Variants in PTPRF observed in about 807,000 individuals in gnomAD.
PTPRF encodes the protein protein tyrosine phosphatase receptor type F.
A neutral mutation model predicts 201.8 loss-of-function variants in PTPRF; 59 were observed. The observed-to-expected ratio is 0.29, with a 90% CI of 0.24 to 0.36. The LOEUF (loss-of-function observed/expected upper bound fraction) is 0.36, where lower values mean the gene tolerates loss of function less well. Among genes scored for constraint, PTPRF ranks in the 10% least tolerant of loss-of-function variants. The pLI, the probability that PTPRF is intolerant of heterozygous loss-of-function variation, is 1.00. For synonymous variants in PTPRF, 1,088 were observed against 1,089.7 expected (o/e 1.00, Z 0.03); for missense variants, 2,132 against 2,690.5 (o/e 0.79, Z 4.59).
chr1:43,621,509 G>GAAAACAAAACAAAAC (rs752058133), intron 33 of PTPRF, among the ~76,000 whole-genome samples: 1 of 116,522 alleles, frequency 8.6e-6, no homozygotes, highest in Non-Finnish European at 1.7e-5. Context: ...CCCTGTTGCT[G>GAAAACAAAACAAAAC]AAAACAAAAC....
At chr1:43,585,550 T>C (rs58738987) in intron 7 of PTPRF, among the ~76,000 whole-genome samples, 2,838 of 152,190 alleles carry the variant, frequency 0.019, 98 homozygotes, top group African/African-American at 0.065. Context: ...CTCACACTTA[T>C]GCCTAGCCCC....
rs1315505195 is a variant in PTPRF at position 43,606,297 on chromosome 1, G to A, written c.3541G>A (p.Glu1181Lys). 6.2e-7 allele frequency: 1 copy of A among 1,613,906 alleles called. No individual in the cohort carries two copies. Among genetic ancestry groups the A allele is most frequent in the African/African-American group, 1.3e-5 (1 of 74,932 alleles). ...EEQRRRRRQA[E>K]RLKPYVAAQL... is the part of the protein sequence containing the mutation. ...GCAGCGGCGGCGGCGGCGGCAGGCA[G>A]AACGTCTGAAGCCATATGTGGCTGC... Residue 1181 changes from glutamate (E) to lysine (K), a missense_variant, in exon 20 of 34, where the codon GAA (glutamate) becomes AAA (lysine). Glu to Lys is a moderately conservative substitution (Grantham distance 56). Around this residue, in one of 6 missense-constraint regions of PTPRF, gnomAD observed 818 missense variants for 915.3 expected, o/e 0.89. Transcript: ENST00000359947.
Position 43,553,548 on chromosome 1 carries a change from GCCT to G in PTPRF, c.152_154del (p.Ser51del). ...CCAGACTGGGCTGTCAGGAGGGGTA[GCCT>G]CCTTCGTGTGCCAAGCTACAGGAGA... On this transcript the variant is annotated inframe_deletion, in exon 4 of 34. Coordinates refer to ENST00000359947, the MANE Select transcript of PTPRF (RefSeq NM_002840.5). The surrounding 1 kb of genome is among the most constrained non-coding windows in gnomAD (Gnocchi z 4.1). 1 of 1,613,972 alleles carries G rather than the reference GCCT, an allele frequency of 6.2e-7. No individual in the cohort carries two copies. The highest frequency in any genetic ancestry group is 8.5e-7 in the Non-Finnish European group (1 of 1,179,824).
intron 11 of PTPRF, among the ~76,000 whole-genome samples, chr1:43,596,001 G>A (rs563196132): frequency 2.0e-5 from 3 of 152,272 alleles, no homozygotes; most frequent in South Asian, 4.1e-4. Flanking sequence ...CCTCAGTGCC[G>A]CTGTAGAGAA....
Position 43,619,416 on chromosome 1 carries a change from A to G in PTPRF, c.4775A>G (p.Gln1592Arg), listed in dbSNP as rs1658654132. 2 of 1,614,044 alleles carry G rather than the reference A, an allele frequency of 1.2e-6. No individual in the cohort carries two copies. Among genetic ancestry groups the G allele is most frequent in the Middle Eastern group, 1.6e-4 (1 of 6,084 alleles). The change falls in exon 28 of 34, where the codon CAG (glutamine) becomes CGG (arginine). Residue 1592 changes from glutamine (Q) to arginine (R), a missense_variant. By Grantham distance (43) the Gln-to-Arg change is conservative (BLOSUM62 1). Coordinates refer to ENST00000359947, the MANE Select transcript of PTPRF (RefSeq NM_002840.5). The part of the protein sequence containing the change: ...CMRSQRNYMV[Q>R]TEDQYVFIHE... ...CGATCACAGAGGAACTACATGGTGC[A>G]GACGGAGGACCAGTACGTGTTCATC...
At chr1:43,535,483 G>GTT (rs1643944281) in intron 1 of PTPRF, among the ~76,000 whole-genome samples, 1 of 152,108 alleles carries the variant, frequency 6.6e-6, no homozygotes, top group Non-Finnish European at 1.5e-5. Flanking sequence ...GAGAACTCTG[G>GTT]TTTTAGCTCC....
chr1:43,620,336 A>C lies in PTPRF; in HGVS notation c.5238+115A>C, dbSNP rs1658904279. On this transcript the variant is annotated intron_variant, in intron 30 of 33. Transcript: ENST00000359947. ...TTTGACACCCCAGCTGCTTGTCAGC[A>C]TGGCCTCAGGCGCCCGTTATTACTA... The C allele has an allele frequency of 7.1e-6, 11 of 1,539,258 alleles. No individual in the cohort carries two copies. The South Asian group carries it at 1.2e-4, about 17-fold the overall frequency.
chr1:43,602,847 C>A (rs1421779595), intron 14 of PTPRF, among the ~76,000 whole-genome samples: 3 of 152,178 alleles, frequency 2.0e-5, no homozygotes, highest in African/African-American at 4.8e-5. Context: ...CTCCTAGCCC[C>A]TCCCCTGCCT....
In PTPRF at chr1:43,604,087, A is replaced by C; in HGVS notation, c.2935A>C (p.Lys979Gln). 1 of 1,614,206 alleles carries C rather than the reference A, an allele frequency of 6.2e-7. No homozygotes were observed. Among genetic ancestry groups the C allele is most frequent in the Non-Finnish European group, 8.5e-7 (1 of 1,180,046 alleles). The change falls in exon 16 of 34, where the codon AAG (lysine) becomes CAG (glutamine). Residue 979 changes from lysine to glutamine, a missense_variant. Transcript: ENST00000359947. ...TDTRFTLTGL[K>Q]PDTTYDIKVR... ...CACCCGCTTTACCCTTACTGGCCTC[A>C]AGCCAGACACCACTTACGACATCAA... is the stretch of plus-strand genomic sequence containing the variant.
In PTPRF at chr1:43,537,481, T is replaced by C. The variant is rs1001917694; in HGVS notation, c.-125-717T>C. ...GTGTATGCTGACTGAGCACCTACTA[T>C]GTGCCAGCTGTCAGCCAGGCGCTGG... On this transcript the variant is annotated intron_variant, in intron 1 of 33. Coordinates refer to ENST00000359947, the MANE Select transcript of PTPRF (RefSeq NM_002840.5). This position sits in a 1 kb window ranked among gnomAD's most constrained non-coding sequence, Gnocchi z 4.8. Among the ~76,000 whole-genome samples the C allele has an allele frequency of 6.6e-6, 1 of 152,232 alleles. No individual in the cohort carries two copies. The highest frequency in any genetic ancestry group is 1.5e-5 in the Non-Finnish European group (1 of 68,048).
intron 6 of PTPRF, among the ~76,000 whole-genome samples, chr1:43,571,535 A>G (rs1323086767): frequency 1.3e-5 from 2 of 152,150 alleles, no homozygotes; most frequent in South Asian, 2.1e-4. Flanking sequence ...CCCTCTTTCC[A>G]TAAGTGGCAC....
intron 16 of PTPRF, among the ~76,000 whole-genome samples, chr1:43,604,477 T>G (rs1322188999): frequency 2.6e-5 from 4 of 152,152 alleles, no homozygotes; most frequent in Non-Finnish European, 5.9e-5. Flanking sequence ...GTGTGCAACC[T>G]CCTGATCTTT....
chr1:43,531,972 T>G (rs1643592714), intron 1 of PTPRF, among the ~76,000 whole-genome samples: 1 of 152,192 alleles, frequency 6.6e-6, no homozygotes, highest in African/African-American at 2.4e-5. Context: ...TCTCTCCAGC[T>G]GTCTCCATTC....
intron 26 of PTPRF, 56 bp from the exon 27 acceptor site, chr1:43,618,992 T>C (rs1165753940): frequency 1.9e-6 from 3 of 1,580,982 alleles, no homozygotes; most frequent in Non-Finnish European, 2.6e-6. Flanking sequence ...CATTCAGTCC[T>C]GAGTCTATGG....
intron 22 of PTPRF, chr1:43,612,698 A>C: frequency 1.5e-6 from 2 of 1,293,008 alleles, no homozygotes; most frequent in Non-Finnish European, 2.1e-6. Flanking sequence ...TGTAAGCAGA[A>C]AAAGTTAACG....
intron 1 of PTPRF, among the ~76,000 whole-genome samples, chr1:43,536,560 C>T (rs1439598142): frequency 6.6e-6 from 1 of 152,222 alleles, no homozygotes; most frequent in African/African-American, 2.4e-5. Flanking sequence ...AGTTCCCTGC[C>T]TTGGACTCTG....
chr1:43,600,268 C>T (rs912233655), intron 13 of PTPRF, among the ~76,000 whole-genome samples: 2 of 152,128 alleles, frequency 1.3e-5, no homozygotes, highest in Non-Finnish European at 2.9e-5. Flanking sequence ...CTGAGGGGGC[C>T]AGTGGCCACA....
chr1:43,562,637 C>G (rs1028502729), intron 5 of PTPRF, among the ~76,000 whole-genome samples: 2 of 151,820 alleles, frequency 1.3e-5, no homozygotes, highest in African/African-American at 2.4e-5. Context: ...GTCTTGAACT[C>G]CTGACCTCAA....
chr1:43,606,342 G>A lies in PTPRF; in HGVS notation c.3586G>A (p.Glu1196Lys). 1 of 1,614,206 alleles carries A rather than the reference G, an allele frequency of 6.2e-7. No homozygotes were observed. Among genetic ancestry groups the A allele is most frequent in the Non-Finnish European group, 8.5e-7 (1 of 1,180,030 alleles). Reference sequence around the variant, plus strand: ...GGCTGCTCAACTGGATGTGCTCCCGGAGACCTTTACCTTGGGGGACAAGAA... The same window carrying A: ...GGCTGCTCAACTGGATGTGCTCCCGAAGACCTTTACCTTGGGGGACAAGAA... ...YVAAQLDVLP[E>K]TFTLGDKKNY... Residue 1196 changes from glutamate (E) to lysine (K), a missense_variant, in exon 20 of 34, where the codon GAG becomes AAG. Glu to Lys is a moderately conservative substitution (Grantham distance 56, BLOSUM62 1). Transcript: ENST00000359947.
Sources: gnomAD v4.1 joint callset for allele counts (sites outside exome capture counted in the v4.1 genomes callset) on GRCh38, gnomAD v4.1.1 for gene constraint, gnomAD v4.1.1 regional missense constraint, Gnocchi (gnomAD v3.1) non-coding constraint, MANE v1.5 for transcripts, NCBI Gene and HGNC (gene_info 2026-07-23, HGNC 2026-07-21) for gene names.